The following LRP8 variants were observed in gnomAD, a reference collection of about 807,000 sequenced individuals.
LRP8 encodes low-density lipoprotein receptor-related protein 8.
LRP8 carries 46 observed loss-of-function variants against 111.6 expected under a neutral mutation model. The ratio of observed to expected loss-of-function variants is 0.41; its 90% confidence interval spans 0.33 to 0.53. The LOEUF (loss-of-function observed/expected upper bound fraction) is 0.53. LRP8 is among the 20% of genes least tolerant of loss of function. The probability of loss-of-function intolerance (pLI) is 0.20; values close to 1 mark genes in which losing one functional copy is unlikely to be tolerated. For missense variants in LRP8, 959 were observed against 1,297.4 expected (o/e 0.74, Z 4.01); for synonymous variants, 464 against 511.2 (o/e 0.91, Z 1.24).
intron 12 of LRP8, among the ~76,000 whole-genome samples, chr1:53,260,967 G>A (rs186470508): frequency 2.9e-3 from 445 of 152,276 alleles, no homozygotes; most frequent in African/African-American, 0.01. Flanking sequence ...AGCTATGAGG[G>A]TTATGCCTTG....
At chr1:53,271,184 A>G in intron 7 of LRP8, 31 bp from the exon 8 acceptor site, 1 of 1,614,032 alleles carries the variant, frequency 6.2e-7, no homozygotes, top group Non-Finnish European at 8.5e-7. Context: ...CAGAACCAGC[A>G]GGAGGATCTG....
In LRP8 at chr1:53,262,469, T is replaced by C. The variant is rs201908553; in HGVS notation, c.1751A>G (p.Glu584Gly). 1 of 1,614,154 alleles carries C rather than the reference T, an allele frequency of 6.2e-7. No individual in the cohort carries two copies. Among genetic ancestry groups the C allele is most frequent in the East Asian group, 2.2e-5 (1 of 44,882 alleles). Residue 584 changes from glutamate (E) to glycine (G), a missense_variant, in exon 11 of 19, where the codon GAA (glutamate) becomes GGA (glycine). This residue lies in a region of LRP8 where 819 missense variants were observed against 1,097.6 expected (regional missense o/e 0.75). Coordinates refer to ENST00000306052, the MANE Select transcript of LRP8 (RefSeq NM_004631.5). The surrounding 1 kb of genome is among the most constrained non-coding windows in gnomAD (Gnocchi z 4.8). ...DRQTLVSDNIEWPNGITLDLL... is the reference protein window; with the variant it reads ...DRQTLVSDNIGWPNGITLDLL... ...ACCCAGGGTGATTCCGTTGGGCCAT[T>C]CAATATTGTCTGACACCAGTGTTTG... is the stretch of plus-strand genomic sequence containing the variant.
At chr1:53,255,565 C>T (rs1243686148) in intron 15 of LRP8, among the ~76,000 whole-genome samples, 1 of 152,168 alleles carries the variant, frequency 6.6e-6, no homozygotes, top group South Asian at 2.1e-4. Flanking sequence ...TGGACTAGGT[C>T]ATTTGCCTTT....
chr1:53,251,948 G>T lies in LRP8; in HGVS notation c.2504-1086C>A, dbSNP rs183082470. 2.0e-3 allele frequency among the ~76,000 whole-genome samples: 306 copies of T among 151,556 alleles called. 2 individuals are homozygous for T. Among genetic ancestry groups the T allele is most frequent in the Middle Eastern group, 0.017 (5 of 294 alleles). On this transcript the variant is annotated intron_variant, in intron 16 of 18. Coordinates refer to ENST00000306052, the MANE Select transcript of LRP8 (RefSeq NM_004631.5). ...TCCCAGCTACTCAGAAGGCTGAGGTGGGAGGATTGCTTGAGCCTGGGAGGT... is the reference window on the plus strand; with the variant it reads ...TCCCAGCTACTCAGAAGGCTGAGGTTGGAGGATTGCTTGAGCCTGGGAGGT...
Position 53,262,601 on chromosome 1 carries a change from G to A in LRP8, c.1656-37C>T, listed in dbSNP as rs760162364. On this transcript the variant is annotated intron_variant, in intron 10 of 18. Transcript: ENST00000306052. The surrounding 1 kb of genome is among the most constrained non-coding windows in gnomAD (Gnocchi z 4.8). ...AATAACCCAATTTGCCTTCTTGCTG[G>A]GGACATGACCGGGGTGGTCTGAGTC... 7 of 1,548,264 alleles carry A rather than the reference G, an allele frequency of 4.5e-6. No homozygotes were observed. The South Asian group carries it at 7.8e-5, about 17-fold the overall frequency.
In LRP8 at chr1:53,294,872, G is replaced by A. The variant is rs1488841428; in HGVS notation, c.245-5183C>T. Among the ~76,000 whole-genome samples the A allele has an allele frequency of 6.6e-6, 1 of 152,208 alleles. No homozygotes were observed. The highest frequency in any genetic ancestry group is 1.5e-5 in the Non-Finnish European group (1 of 68,036). ...ATGCTGCTCCCCACCCACACGCATC[G>A]TGGAGCCCCGGTGCAGAGAGAAGGC... is the stretch of plus-strand genomic sequence containing the variant. On this transcript the variant is annotated intron_variant, in intron 2 of 18. Transcript: ENST00000306052. The surrounding 1 kb of genome is among the most constrained non-coding windows in gnomAD (Gnocchi z 4.1).
At chr1:53,282,329 A>C (rs1390199660) in intron 3 of LRP8, among the ~76,000 whole-genome samples, 1 of 152,174 alleles carries the variant, frequency 6.6e-6, no homozygotes, top group African/African-American at 2.4e-5. Context: ...ATTTCACAGA[A>C]ATTTCCCTTG....
chr1:53,260,688 T>C, intron 12 of LRP8, 83 bp from the exon 13 acceptor site: 1 of 1,391,718 alleles, frequency 7.2e-7, no homozygotes, highest in Non-Finnish European at 1.0e-6. Flanking sequence ...CAAACCATAG[T>C]CACAAGAACT....
At position 53,262,610 on chromosome 1, in the gene LRP8, C is replaced by T; in HGVS notation, c.1656-46G>A. On this transcript the variant is annotated intron_variant, in intron 10 of 18. Coordinates refer to ENST00000306052, the MANE Select transcript of LRP8 (RefSeq NM_004631.5). This position sits in a 1 kb window ranked among gnomAD's most constrained non-coding sequence, Gnocchi z 4.8. The stretch of plus-strand genomic sequence containing the variant: ...ATTTGCCTTCTTGCTGGGGACATGA[C>T]CGGGGTGGTCTGAGTCACAAGAGCT... The T allele has an allele frequency of 6.7e-7, 1 of 1,500,828 alleles. No individual in the cohort carries two copies. The highest frequency in any genetic ancestry group is 9.3e-7 in the Non-Finnish European group (1 of 1,078,686). The allele number at this position is 1,500,828 out of a possible 1,614,324, so 93.0% of individuals were successfully genotyped here.
In LRP8 at chr1:53,250,591, G is replaced by A. The variant is rs1645865621; in HGVS notation, c.2676+99C>T. 6 of 1,025,380 alleles carry A rather than the reference G, an allele frequency of 5.9e-6. No homozygotes were observed. In the South Asian group the frequency reaches 7.4e-5, roughly 13 times the overall value. 63.5% of individuals were successfully genotyped at this position (1,025,380 alleles called of 1,614,324 possible). The stretch of plus-strand genomic sequence containing the variant: ...GGGAAGGACGGAAGGAAGGAAGGGA[G>A]GGAAGAAAGGATGGGAAGGAAGAAA... On this transcript the variant is annotated intron_variant, in intron 17 of 18. Coordinates refer to ENST00000306052, the MANE Select transcript of LRP8 (RefSeq NM_004631.5). This position sits in a 1 kb window ranked among gnomAD's most constrained non-coding sequence, Gnocchi z 4.6.
In LRP8 at chr1:53,275,770, AG is replaced by A; in HGVS notation, c.884-18del. The A allele has an allele frequency of 1.9e-6, 3 of 1,613,446 alleles. No homozygotes were observed. The highest frequency in any genetic ancestry group is 2.5e-6 in the Non-Finnish European group (3 of 1,179,760). On this transcript the variant is annotated intron_variant, in intron 5 of 18. Transcript: ENST00000306052. This position sits in a 1 kb window ranked among gnomAD's most constrained non-coding sequence, Gnocchi z 4.4. ...TGCCCAGTGCTGCCAGGAGAGGGCA[AG>A]GGGAGAGGATCAGAGTCAGTGTGGT...
chr1:53,304,968 C>G (rs183089399), intron 2 of LRP8: 2 of 152,306 alleles, frequency 1.3e-5, no homozygotes, highest in African/African-American at 4.8e-5. Context: ...GCCAGCATGG[C>G]TCCCCCAGTA....
chr1:53,248,493 T>C (rs1216138841), intron 18 of LRP8, among the ~76,000 whole-genome samples: 3 of 152,238 alleles, frequency 2.0e-5, no homozygotes, highest in African/African-American at 4.8e-5. Flanking sequence ...GCATGGGCTT[T>C]TGTGTATATA....
intron 2 of LRP8, among the ~76,000 whole-genome samples, chr1:53,299,531 AGT>A (rs1247572373): frequency 1.3e-5 from 2 of 152,050 alleles, no homozygotes; most frequent in African/African-American, 4.8e-5. Context: ...CTCACCAGGG[AGT>A]GTGTGGCAGG....
At position 53,249,436 on chromosome 1, in the gene LRP8, G is replaced by A; in HGVS notation, c.2797C>T (p.Gln933Ter). The change falls in exon 18 of 19, where the codon CAG becomes TAG. Residue 933 changes from glutamine (Q) to a stop codon, truncating the protein, a stop_gained. Transcript: ENST00000306052. LOFTEE classifies it high-confidence loss of function. The surrounding 1 kb of genome is among the most constrained non-coding windows in gnomAD (Gnocchi z 4.1). ...LFVLPGEPRSQLHQLPKNPLS... is the reference protein window; with the variant it reads ...LFVLPGEPRS Reference sequence around the variant, plus strand: ...GGGTTCTTCGGGAGTTGGTGCAGCTGTGACCTTGGTTCCCCCGGCAAGACA... The same window carrying A: ...GGGTTCTTCGGGAGTTGGTGCAGCTATGACCTTGGTTCCCCCGGCAAGACA... 1 of 1,614,224 alleles carries A rather than the reference G, an allele frequency of 6.2e-7. No homozygotes were observed. Among genetic ancestry groups the A allele is most frequent in the Non-Finnish European group, 8.5e-7 (1 of 1,180,042 alleles).
At chr1:53,308,246 G>A (rs922673175) in intron 2 of LRP8, among the ~76,000 whole-genome samples, 1 of 152,238 alleles carries the variant, frequency 6.6e-6, no homozygotes, top group South Asian at 2.1e-4. Context: ...CGCAGGGAAC[G>A]GGATGTTCAC....
At chr1:53,276,611 G>A (rs1572514232) in intron 5 of LRP8, 81 bp downstream of exon 5, 2 of 1,184,072 alleles carry the variant, frequency 1.7e-6, no homozygotes, top group South Asian at 1.5e-5. Flanking sequence ...GCAATGAAAG[G>A]AAGCCTGCAC....
chr1:53,289,380 T>C, intron 3 of LRP8, 187 bp downstream of exon 3: 1 of 711,882 alleles, frequency 1.4e-6, no homozygotes, highest in Non-Finnish European at 2.1e-6. Context: ...ACAAGAGGGC[T>C]GTGAAGAAAG....
In LRP8 at chr1:53,262,517, G is replaced by C. The variant is rs1195791902; in HGVS notation, c.1703C>G (p.Ser568Cys). Residue 568 changes from serine (S) to cysteine (C), a missense_variant, in exon 11 of 19, where the codon TCT becomes TGT. Physicochemically the swap from Ser to Cys is moderately radical, Grantham distance 112. Coordinates refer to ENST00000306052, the MANE Select transcript of LRP8 (RefSeq NM_004631.5). This position sits in a 1 kb window ranked among gnomAD's most constrained non-coding sequence, Gnocchi z 4.8. ...TTGCCGGTCCACACCGTTGAGCCCA[G>C]ATTTCTCAATCTTGGCCTGGTCCCC... ...DWGDQAKIEK[S>C]GLNGVDRQTL... The C allele has an allele frequency of 6.2e-7, 1 of 1,614,200 alleles. No individual in the cohort carries two copies. The highest frequency in any genetic ancestry group is 1.7e-5 in the Admixed American group (1 of 60,032).
Sources: gnomAD v4.1 joint callset for allele counts (sites outside exome capture counted in the v4.1 genomes callset) on GRCh38, gnomAD v4.1.1 for gene constraint, gnomAD v4.1.1 regional missense constraint, Gnocchi (gnomAD v3.1) non-coding constraint, MANE v1.5 for transcripts, NCBI Gene and HGNC (gene_info 2026-07-23, HGNC 2026-07-21) for gene names.